The following PDCD10 variants were observed in gnomAD, a reference collection of about 807,000 sequenced individuals.
PDCD10 encodes programmed cell death 10, also known as programmed cell death protein 10.
In PDCD10, 4 loss-of-function variants were observed where a neutral mutation model predicts 29.2. That is an observed-to-expected ratio of 0.14 (90% confidence interval 0.07 to 0.31). The LOEUF is 0.31. Ranked by LOEUF, PDCD10 falls within the 10% of genes least tolerant of loss-of-function variation. PDCD10 has a pLI of 1.00. For missense variants in PDCD10, 183 were observed against 257.9 expected, an observed-to-expected ratio of 0.71 and a Z score of 1.99; for synonymous variants, 70 against 82.2, an observed-to-expected ratio of 0.85 and a Z score of 0.80.
At chr3:167,732,831 C>T (rs1030394043) in intron 2 of PDCD10, among the ~76,000 whole-genome samples, 1 of 152,204 alleles carries the variant, frequency 6.6e-6, no homozygotes, top group African/African-American at 2.4e-5. Flanking sequence ...TCTTGCTTTA[C>T]CATCACTGAC....
At chr3:167,707,769 T>C in intron 3 of PDCD10, among the ~76,000 whole-genome samples, 1 of 152,206 alleles carries the variant, frequency 6.6e-6, no homozygotes, top group East Asian at 1.9e-4. Context: ...CACTGTATTT[T>C]GGGTCCCCTG....
intron 3 of PDCD10, among the ~76,000 whole-genome samples, chr3:167,712,160 G>A (rs1451134929): frequency 2.0e-5 from 3 of 152,014 alleles, no homozygotes; most frequent in Non-Finnish European, 1.5e-5. Context: ...TAAGTAGAAA[G>A]ACTAATGATG....
intron 6 of PDCD10, among the ~76,000 whole-genome samples, chr3:167,691,328 G>A (rs1720210519): frequency 6.6e-6 from 1 of 152,092 alleles, no homozygotes; most frequent in African/African-American, 2.4e-5. Context: ...CTCCTCAAAT[G>A]GTTAGGAAGT....
chr3:167,704,808 C>A (rs368281135), intron 4 of PDCD10, 34 bp downstream of exon 4: 1 of 1,421,692 alleles, frequency 7.0e-7, no homozygotes, highest in Non-Finnish European at 9.9e-7. Flanking sequence ...AGAACATACA[C>A]TTTAATAATC....
At chr3:167,687,344 A>T in intron 7 of PDCD10, 28 bp from the exon 8 acceptor site, 1 of 1,271,514 alleles carries the variant, frequency 7.9e-7, no homozygotes, top group East Asian at 2.3e-5. Flanking sequence ...AATAAGAAAT[A>T]AAGTACTAAA....
intron 5 of PDCD10, among the ~76,000 whole-genome samples, chr3:167,696,238 C>G (rs558624784): frequency 3.3e-5 from 5 of 152,172 alleles, no homozygotes; most frequent in Admixed American, 2.0e-4. Flanking sequence ...CACTTAAAAA[C>G]AAAAACACCA....
chr3:167,730,492 A>G (rs1039871654), intron 2 of PDCD10, among the ~76,000 whole-genome samples: 1 of 152,154 alleles, frequency 6.6e-6, no homozygotes, highest in Non-Finnish European at 1.5e-5. Context: ...CCAAGATTCA[A>G]GTAACATCAA....
At chr3:167,721,759 A>T (rs1180912046) in intron 2 of PDCD10, among the ~76,000 whole-genome samples, 1 of 152,206 alleles carries the variant, frequency 6.6e-6, no homozygotes, top group Non-Finnish European at 1.5e-5. Flanking sequence ...TTGACAGAAC[A>T]AAAAGAGCAA....
intron 4 of PDCD10, among the ~76,000 whole-genome samples, chr3:167,698,560 CTG>C (rs969824068): frequency 1.2e-3 from 175 of 149,824 alleles, no homozygotes; most frequent in African/African-American, 4.1e-3. Flanking sequence ...ACAAAAAAAA[CTG>C]TGTTTTTTAA....
At chr3:167,690,766 T>C (rs1169259346) in intron 6 of PDCD10, among the ~76,000 whole-genome samples, 1 of 152,222 alleles carries the variant, frequency 6.6e-6, no homozygotes, top group Non-Finnish European at 1.5e-5. Flanking sequence ...CTAGGTTCTG[T>C]GCTAGGCACT....
rs1344512941 is a variant in PDCD10 at position 167,683,654 on chromosome 3, T to C, written c.*654A>G. 2.0e-5 allele frequency: 3 copies of C among 151,838 alleles called. No individual in the cohort carries two copies. Among genetic ancestry groups the C allele is most frequent in the East Asian group, 3.9e-4 (2 of 5,186 alleles). 9.4% of individuals were successfully genotyped at this position (151,838 alleles called of 1,614,324 possible). A position where few individuals can be genotyped will look rare whatever the true frequency, so the allele number is the denominator to read the frequency against. ...TTACTCATAAGTCGTTTAAAACAGG[T>C]TGGAAATCATATAAAAATACTCAGT... On this transcript the variant is annotated 3_prime_UTR_variant, in exon 9 of 9. Coordinates refer to ENST00000392750, the MANE Select transcript of PDCD10 (RefSeq NM_007217.4).
At chr3:167,706,079 G>A (rs765697088) in intron 3 of PDCD10, among the ~76,000 whole-genome samples, 1 of 152,166 alleles carries the variant, frequency 6.6e-6, no homozygotes, top group Non-Finnish European at 1.5e-5. Flanking sequence ...AGTTCACTCT[G>A]TATAGCCCTG....
At position 167,734,752 on chromosome 3, in the gene PDCD10, C is replaced by T. The variant is rs1382577588; in HGVS notation, c.-344G>A. 1 of 153,270 alleles carries T rather than the reference C, an allele frequency of 6.5e-6. No homozygotes were observed. The highest frequency in any genetic ancestry group is 6.5e-5 in the Admixed American group (1 of 15,300). 9.5% of individuals were successfully genotyped at this position (153,270 alleles called of 1,614,324 possible). A position where few individuals can be genotyped will look rare whatever the true frequency, so the allele number is the denominator to read the frequency against. On this transcript the variant is annotated 5_prime_UTR_variant, in exon 1 of 9. Transcript: ENST00000392750. The stretch of plus-strand genomic sequence containing the variant: ...CCATGGCCCCTGCGTGACCCTAGAC[C>T]TCTTCTGCTCGGTGCAGAGCTACGG...
intron 2 of PDCD10, among the ~76,000 whole-genome samples, chr3:167,722,059 T>C (rs777650641): frequency 6.6e-6 from 1 of 151,910 alleles, no homozygotes; most frequent in Non-Finnish European, 1.5e-5. Flanking sequence ...GAAAACTTCA[T>C]AATAAAAAAA....
chr3:167,689,220 T>C (rs1159037103), intron 6 of PDCD10, among the ~76,000 whole-genome samples: 5 of 152,160 alleles, frequency 3.3e-5, no homozygotes, highest in Non-Finnish European at 7.4e-5. Context: ...AATCTTTGTA[T>C]ATTGGTGTGA....
In PDCD10 at chr3:167,720,256, C is replaced by A; in HGVS notation, c.-99G>T. On this transcript the variant is annotated 5_prime_UTR_variant, in exon 3 of 9. Transcript: ENST00000392750. ...CTTTTTTGGTGATAAAAGAATTGGA[C>A]ACAAAAAACACACTGATCTGGTGAA... 2.6e-6 allele frequency: 2 copies of A among 766,752 alleles called. No individual in the cohort carries two copies. Among genetic ancestry groups the A allele is most frequent in the Admixed American group, 1.9e-5 (1 of 51,680 alleles). 47.5% of individuals were successfully genotyped at this position (766,752 alleles called of 1,614,324 possible).
intron 2 of PDCD10, among the ~76,000 whole-genome samples, chr3:167,731,807 G>A (rs545508586): frequency 3.1e-4 from 47 of 152,226 alleles, no homozygotes; most frequent in African/African-American, 9.4e-4. Context: ...AATACATGGC[G>A]GAAACCTATT....
rs542413350 is a variant in PDCD10 at position 167,707,680 on chromosome 3, A to AAAAACAAAAC, written c.97-2795_97-2786dup. The stretch of plus-strand genomic sequence containing the variant: ...GCGACAGAGCGAGACTCTCCATCTC[A>AAAAACAAAAC]AAAACAAAACAAAACAAAACAAAAC... On this transcript the variant is annotated intron_variant, in intron 3 of 8. Coordinates refer to ENST00000392750, the MANE Select transcript of PDCD10 (RefSeq NM_007217.4). Among the ~76,000 whole-genome samples the AAAAACAAAAC allele has an allele frequency of 7.2e-5, 11 of 152,218 alleles. No individual in the cohort carries two copies. The East Asian group carries it at 9.7e-4, about 13-fold the overall frequency.
chr3:167,706,722 G>A (rs574081661), intron 3 of PDCD10, among the ~76,000 whole-genome samples: 83 of 152,258 alleles, frequency 5.5e-4, no homozygotes, highest in Admixed American at 1.3e-3. Flanking sequence ...TTACAATAAA[G>A]TCAAAAGCCT....
Sources: gnomAD v4.1 joint callset for allele counts (sites outside exome capture counted in the v4.1 genomes callset) on GRCh38, gnomAD v4.1.1 for gene constraint, MANE v1.5 for transcripts, NCBI Gene and HGNC (gene_info 2026-07-23, HGNC 2026-07-21) for gene names.